Variants in COL27A1 observed in about 807,000 individuals in gnomAD.
The protein encoded by COL27A1 is collagen type XXVII alpha 1 chain, also known as collagen alpha-1(XXVII) chain.
In COL27A1, 106 loss-of-function variants were observed where a neutral mutation model predicts 251.3. The ratio of observed to expected loss-of-function variants is 0.42; its 90% CI spans 0.36 to 0.50. The LOEUF (loss-of-function observed/expected upper bound fraction) is 0.50. COL27A1 is among the 20% of genes least tolerant of loss of function. The pLI, the probability that COL27A1 is intolerant of heterozygous loss-of-function variation, is 0.00. For missense variants in COL27A1, 2,325 were observed against 2,522.8 expected (o/e 0.92, Z 1.68); for synonymous variants, 1,000 against 986.3 (o/e 1.01, Z -0.26).
At chr9:114,211,865 A>G (rs1830391397) in intron 12 of COL27A1, among the ~76,000 whole-genome samples, 1 of 152,172 alleles carries the variant, frequency 6.6e-6, no homozygotes, top group African/African-American at 2.4e-5. Context: ...ATGAGATACC[A>G]GGGTCCCTCT....
intron 14 of COL27A1, among the ~76,000 whole-genome samples, chr9:114,223,191 T>C (rs1415095680): frequency 6.6e-6 from 1 of 152,162 alleles, no homozygotes; most frequent in Non-Finnish European, 1.5e-5. Flanking sequence ...AGTGTCCCCA[T>C]AATCTGATGC....
intron 25 of COL27A1, among the ~76,000 whole-genome samples, chr9:114,251,480 G>A (rs1281474117): frequency 6.6e-6 from 1 of 151,784 alleles, no homozygotes; most frequent in African/African-American, 2.4e-5. Flanking sequence ...TTTAAATTCA[G>A]CTTTTTATCT....
chr9:114,271,762 AG>A (rs1835166330), intron 36 of COL27A1: 1 of 152,324 alleles, frequency 6.6e-6, no homozygotes, highest in Non-Finnish European at 1.5e-5. Flanking sequence ...CAGGTTCCTA[AG>A]GGCCATGCCC....
In COL27A1 at chr9:114,205,679, C is replaced by T. The variant is rs560430479; in HGVS notation, c.2170-80C>T. On this transcript the variant is annotated intron_variant, in intron 8 of 60. Transcript: ENST00000356083. ...TGCCCCTCTCTTTATTCATTGTCAG[C>T]CCCAGTCTCCCAGGGTCCCCCAGAC... 5 of 1,268,744 alleles carry T rather than the reference C, an allele frequency of 3.9e-6. No homozygotes were observed. The African/African-American group carries it at 5.9e-5, about 15-fold the overall frequency. 78.6% of individuals were successfully genotyped at this position (1,268,744 alleles called of 1,614,324 possible). A position where few individuals can be genotyped will look rare whatever the true frequency, so the allele number is the denominator to read the frequency against.
At chr9:114,157,535 A>C (rs1848204768) in intron 1 of COL27A1, among the ~76,000 whole-genome samples, 1 of 152,230 alleles carries the variant, frequency 6.6e-6, no homozygotes, top group Admixed American at 6.5e-5. Flanking sequence ...AGCAGCCAGC[A>C]GCCTCCTGGT....
At chr9:114,196,076 C>A in intron 7 of COL27A1, 64 bp downstream of exon 7, 2 of 1,446,956 alleles carry the variant, frequency 1.4e-6, no homozygotes, top group Non-Finnish European at 1.9e-6. Flanking sequence ...GGTCTTCAGG[C>A]AGAAGAGCTG....
At chr9:114,185,072 A>G (rs1163091855) in intron 5 of COL27A1, among the ~76,000 whole-genome samples, 6 of 152,118 alleles carry the variant, frequency 3.9e-5, no homozygotes, top group African/African-American at 1.4e-4. Context: ...GGCCCATGGT[A>G]GCCCACCCCA....
At chr9:114,158,047 A>G (rs1848239129) in intron 1 of COL27A1, among the ~76,000 whole-genome samples, 1 of 152,152 alleles carries the variant, frequency 6.6e-6, no homozygotes, top group Admixed American at 6.5e-5. Context: ...CTGTGTTCCC[A>G]TGGAGGACGT....
rs554853352 is a variant in COL27A1, at chr9:114,185,522, G to A, written c.2016+2447G>A. Among the ~76,000 whole-genome samples the A allele has an allele frequency of 7.2e-5, 11 of 152,360 alleles. No homozygotes were observed. The South Asian group carries it at 2.3e-3, about 32-fold the overall frequency. ...GAGGCCTTCCCTGGATGGAAGTAAT[G>A]ACTTGGCTGAGATTGGCTGAGAAAG... is the stretch of plus-strand genomic sequence containing the variant. On this transcript the variant is annotated intron_variant, in intron 5 of 60. Transcript: ENST00000356083.
intron 13 of COL27A1, 94 bp downstream of exon 13, chr9:114,219,938 G>A: frequency 1.1e-6 from 1 of 938,976 alleles, no homozygotes; most frequent in Non-Finnish European, 1.7e-6. Context: ...GACAGACCTG[G>A]GTCAAATCCC....
intron 7 of COL27A1, among the ~76,000 whole-genome samples, chr9:114,201,067 G>A (rs949188896): frequency 6.6e-6 from 1 of 152,234 alleles, no homozygotes; most frequent in Non-Finnish European, 1.5e-5. Context: ...GTGAGGTGAT[G>A]TCTGGTTTCT....
intron 23 of COL27A1, among the ~76,000 whole-genome samples, chr9:114,244,865 AG>A (rs1242223641): frequency 6.6e-6 from 1 of 152,200 alleles, no homozygotes; most frequent in Non-Finnish European, 1.5e-5. Context: ...TGTGGGCCTG[AG>A]GAGCAGGAGC....
At chr9:114,283,803 T>G in intron 40 of COL27A1, 41 bp downstream of exon 40, 1 of 1,605,782 alleles carries the variant, frequency 6.2e-7, no homozygotes, top group Non-Finnish European at 8.5e-7. Flanking sequence ...GACTCTGTCC[T>G]GCAGGCCTGG....
intron 23 of COL27A1, among the ~76,000 whole-genome samples, chr9:114,245,188 T>C (rs1177379273): frequency 1.4e-5 from 2 of 141,522 alleles, no homozygotes. Flanking sequence ...ACAGTCTCGC[T>C]CTTGTCACCC....
At chr9:114,305,674 C>T (rs527612995) in intron 57 of COL27A1, among the ~76,000 whole-genome samples, 53 of 152,252 alleles carry the variant, frequency 3.5e-4, no homozygotes, top group African/African-American at 8.4e-4. Flanking sequence ...GAGGCACCAC[C>T]GGGGAAAGAG....
In COL27A1 at chr9:114,235,623, T is replaced by C. The variant is rs774417471; in HGVS notation, c.2590T>C (p.Ser864Pro). The C allele has an allele frequency of 6.2e-7, 1 of 1,613,866 alleles. No individual in the cohort carries two copies. Among genetic ancestry groups the C allele is most frequent in the Non-Finnish European group, 8.5e-7 (1 of 1,179,818 alleles). The change falls in exon 17 of 61, where the codon TCA (serine) becomes CCA (proline). Residue 864 changes from serine to proline, a missense_variant. By Grantham distance (74) the Ser-to-Pro change is moderately conservative. Around this residue, in one of 4 missense-constraint regions of COL27A1, gnomAD observed 662 missense variants for 795.3 expected, o/e 0.83. Coordinates refer to ENST00000356083, the MANE Select transcript of COL27A1 (RefSeq NM_032888.4). ...GGGTGAACAAGGGGTTCCAGGTGTGTCAGGAGATCCCGGATTCCAAGGAGA... is the reference window on the plus strand; with the variant it reads ...GGGTGAACAAGGGGTTCCAGGTGTGCCAGGAGATCCCGGATTCCAAGGAGA... ...DKGEQGVPGVSGDPGFQGDKG... is the reference protein window; with the variant it reads ...DKGEQGVPGVPGDPGFQGDKG...
chr9:114,205,442 C>G (rs921151305), intron 8 of COL27A1, among the ~76,000 whole-genome samples: 2 of 152,262 alleles, frequency 1.3e-5, no homozygotes, highest in Non-Finnish European at 2.9e-5. Flanking sequence ...ATATTATACT[C>G]ACCGCCACGG....
intron 14 of COL27A1, among the ~76,000 whole-genome samples, chr9:114,226,067 G>A (rs1831450725): frequency 6.6e-6 from 1 of 151,874 alleles, no homozygotes; most frequent in Non-Finnish European, 1.5e-5. Context: ...CCTTTGGCAG[G>A]CCCTCAAGAA....
intron 24 of COL27A1, among the ~76,000 whole-genome samples, chr9:114,248,744 G>A (rs969007352): frequency 9.9e-5 from 15 of 152,212 alleles, no homozygotes; most frequent in Non-Finnish European, 1.6e-4. Flanking sequence ...TTAGGATCTT[G>A]TTTGGTTTCT....
Sources: allele counts gnomAD v4.1 joint callset (sites outside exome capture counted in the v4.1 genomes callset), GRCh38; gene constraint gnomAD v4.1.1; regional missense constraint gnomAD v4.1.1; transcripts MANE v1.5; gene names NCBI Gene and HGNC (gene_info 2026-07-23, HGNC 2026-07-21).